Variants in HMCN1 observed in about 807,000 individuals in gnomAD.
The protein encoded by HMCN1 is hemicentin-1.
HMCN1 carries 321 observed loss-of-function variants against 625.9 expected under a neutral mutation model. The ratio of observed to expected loss-of-function variants is 0.51; its 90% CI spans 0.47 to 0.56. The LOEUF (loss-of-function observed/expected upper bound fraction) is 0.56. HMCN1 is among the 20% of genes least tolerant of loss of function. HMCN1 has a pLI of 0.00. For missense variants in HMCN1, 6,588 were observed against 6,887.3 expected, an observed-to-expected ratio of 0.96 and a Z score of 1.54; for synonymous variants, 2,425 against 2,417.6, an observed-to-expected ratio of 1.00 and a Z score of -0.09.
At chr1:185,780,071 T>A (rs1656950103) in intron 1 of HMCN1, among the ~76,000 whole-genome samples, 1 of 152,238 alleles carries the variant, frequency 6.6e-6, no homozygotes, top group African/African-American at 2.4e-5. Context: ...ACATCCCTTG[T>A]AAGTTGGATT....
intron 1 of HMCN1, among the ~76,000 whole-genome samples, chr1:185,775,939 T>C (rs1228026858): frequency 2.0e-5 from 3 of 152,188 alleles, no homozygotes; most frequent in African/African-American, 7.2e-5. Flanking sequence ...TAATTGACAA[T>C]GCTCTAATAG....
rs1345395596 is a variant in HMCN1, at chr1:186,093,264, T to C, written c.10012+6T>C. The C allele has an allele frequency of 6.2e-7, 1 of 1,613,134 alleles. No individual in the cohort carries two copies. Among genetic ancestry groups the C allele is most frequent in the Non-Finnish European group, 8.5e-7 (1 of 1,179,484 alleles). ...TTTTAACTTGAATGTCTATGGTAAA[T>C]ATGAAATATCCCCCTCTTTTGATGA... On this transcript the variant is annotated splice_donor_region_variant and intron_variant, in intron 65 of 106. Coordinates refer to ENST00000271588, the MANE Select transcript of HMCN1 (RefSeq NM_031935.3).
chr1:185,879,386 G>T (rs548547900), intron 4 of HMCN1, among the ~76,000 whole-genome samples: 5 of 152,060 alleles, frequency 3.3e-5, no homozygotes, highest in African/African-American at 9.7e-5. Context: ...TGCCCAGGCT[G>T]GTTTCAAACT....
intron 97 of HMCN1, among the ~76,000 whole-genome samples, chr1:186,159,327 A>G (rs1036456628): frequency 1.3e-4 from 20 of 152,170 alleles, no homozygotes; most frequent in African/African-American, 2.2e-4. Flanking sequence ...GGGCTGAGAC[A>G]ATGGGGTTTT....
intron 1 of HMCN1, among the ~76,000 whole-genome samples, chr1:185,757,412 G>A (rs1322228025): frequency 1.3e-5 from 2 of 151,872 alleles, no homozygotes; most frequent in Admixed American, 6.6e-5. Flanking sequence ...CATGTTATAT[G>A]CAGCTCATTC....
chr1:186,161,298 T>G (rs1397954779), intron 97 of HMCN1, among the ~76,000 whole-genome samples: 2 of 152,088 alleles, frequency 1.3e-5, no homozygotes, highest in African/African-American at 4.8e-5. Context: ...TCCCTTTATT[T>G]TGAGCCTATG....
intron 29 of HMCN1, among the ~76,000 whole-genome samples, chr1:186,005,381 T>C (rs910690272): frequency 1.6e-4 from 24 of 148,406 alleles, no homozygotes; most frequent in Admixed American, 1.5e-3. Context: ...TGTTTATAAA[T>C]GTTTATAAAC....
At chr1:185,748,450 G>A (rs1466071932) in intron 1 of HMCN1, among the ~76,000 whole-genome samples, 4 of 152,074 alleles carry the variant, frequency 2.6e-5, no homozygotes, top group Non-Finnish European at 2.9e-5. Flanking sequence ...AACTTTCCTG[G>A]AATATTAGAA....
In HMCN1 at chr1:186,045,874, G is replaced by A; in HGVS notation, c.6480+11G>A. On this transcript the variant is annotated intron_variant, in intron 41 of 106. Transcript: ENST00000271588. ...AGAAGTGTGTTAAAGGTAAGGATAT[G>A]GATTCATTTATTTTACCTTATGTTA... is the stretch of plus-strand genomic sequence containing the variant. 6.3e-7 allele frequency: 1 copy of A among 1,582,506 alleles called. No homozygotes were observed. Among genetic ancestry groups the A allele is most frequent in the South Asian group, 1.1e-5 (1 of 90,464 alleles).
At chr1:186,114,778 A>C in intron 73 of HMCN1, 41 bp from the exon 74 acceptor site, 1 of 1,612,544 alleles carries the variant, frequency 6.2e-7, no homozygotes, top group Non-Finnish European at 8.5e-7. Context: ...ACAATCAAAA[A>C]AGGCTGATTC....
chr1:186,144,409 TC>T (rs1650154526), intron 90 of HMCN1, 66 bp downstream of exon 90: 3 of 1,600,298 alleles, frequency 1.9e-6, no homozygotes, highest in Non-Finnish European at 2.6e-6. Context: ...AGGTAGTATG[TC>T]AACAAGAATC....
intron 36 of HMCN1, among the ~76,000 whole-genome samples, chr1:186,026,880 C>T (rs1292224875): frequency 3.9e-5 from 6 of 152,022 alleles, no homozygotes; most frequent in South Asian, 4.1e-4. Context: ...AGACATCTGC[C>T]GACCTCGGCC....
intron 100 of HMCN1, among the ~76,000 whole-genome samples, chr1:186,167,445 C>T (rs1171011395): frequency 2.0e-5 from 3 of 152,144 alleles, no homozygotes; most frequent in East Asian, 3.9e-4. Context: ...ATATCTCACA[C>T]CAGGGCGGTA....
At chr1:185,759,234 T>C (rs1374156343) in intron 1 of HMCN1, among the ~76,000 whole-genome samples, 3 of 152,230 alleles carry the variant, frequency 2.0e-5, no homozygotes, top group Non-Finnish European at 4.4e-5. Flanking sequence ...ACTATATCAG[T>C]AATATGAGTA....
chr1:185,911,965 G>A (rs746526789), intron 6 of HMCN1, among the ~76,000 whole-genome samples, 185 bp downstream of exon 6: 2 of 152,098 alleles, frequency 1.3e-5, no homozygotes, highest in Non-Finnish European at 2.9e-5. Context: ...TTCAGTTTGA[G>A]GACCATGAAT....
At chr1:186,110,364 T>C (rs1281323410) in intron 71 of HMCN1, among the ~76,000 whole-genome samples, 1 of 152,056 alleles carries the variant, frequency 6.6e-6, no homozygotes, top group East Asian at 1.9e-4. Flanking sequence ...TGCATGAGAC[T>C]GAGAAGGAGG....
At chr1:186,005,115 A>G (rs1050672380) in intron 29 of HMCN1, among the ~76,000 whole-genome samples, 2 of 150,278 alleles carry the variant, frequency 1.3e-5, no homozygotes. Flanking sequence ...TTGTTTATAA[A>G]TGTTTATAAA....
chr1:185,753,820 G>T (rs1654965227), intron 1 of HMCN1, among the ~76,000 whole-genome samples: 1 of 152,152 alleles, frequency 6.6e-6, no homozygotes, highest in South Asian at 2.1e-4. Flanking sequence ...TACATTGTTG[G>T]TGGGAATGTA....
intron 97 of HMCN1, among the ~76,000 whole-genome samples, chr1:186,161,571 TC>T (rs1381078971): frequency 6.6e-6 from 1 of 152,042 alleles, no homozygotes; most frequent in African/African-American, 2.4e-5. Flanking sequence ...GTTGTTCCTT[TC>T]CATGTTTAGT....
Sources: allele counts gnomAD v4.1 joint callset (sites outside exome capture counted in the v4.1 genomes callset), GRCh38; gene constraint gnomAD v4.1.1; transcripts MANE v1.5; gene names NCBI Gene and HGNC (gene_info 2026-07-23, HGNC 2026-07-21).